TENM3: variants seen among roughly 807,000 people sequenced by gnomAD.
TENM3 encodes the protein teneurin transmembrane protein 3, also known as teneurin-3.
In TENM3, 63 loss-of-function variants were observed where a neutral mutation model predicts 255.1. The observed-to-expected ratio is 0.25, with a 90% confidence interval of 0.20 to 0.30. TENM3 has a LOEUF of 0.30. TENM3 is among the 10% of genes least tolerant of loss of function. The probability of loss-of-function intolerance (pLI) is 1.00; values close to 1 mark genes in which losing one functional copy is unlikely to be tolerated. For missense variants in TENM3, 2,929 were observed against 3,461.1 expected, an observed-to-expected ratio of 0.85 and a Z score of 3.86; for synonymous variants, 1,306 against 1,322.3, an observed-to-expected ratio of 0.99 and a Z score of 0.27.
chr4:181,824,487 G>T, the TENM3 span, among the ~76,000 whole-genome samples: 1 of 152,038 alleles, frequency 6.6e-6, no homozygotes, highest in Non-Finnish European at 1.5e-5. Context: ...TTTTGGTAGT[G>T]ATATAGCACT....
rs10008097 is a variant in TENM3 at position 182,265,906 on chromosome 4, A to C, written c.-76+22430A>C. The stretch of plus-strand genomic sequence containing the variant: ...AATTATTGATAAAATAAAAACATTT[A>C]GTCTAAATTATGCAAGTCAAATATT... On this transcript the variant is annotated intron_variant, in intron 1 of 27. Coordinates refer to ENST00000511685, the MANE Select transcript of TENM3 (RefSeq NM_001080477.4). Among the ~76,000 whole-genome samples the C allele has an allele frequency of 6.3e-3, 964 of 152,398 alleles. 10 individuals carry two copies. Among genetic ancestry groups the C allele is most frequent in the African/African-American group, 0.022 (922 of 41,600 alleles).
chr4:181,962,445 GT>G, the TENM3 span, among the ~76,000 whole-genome samples: 1 of 152,196 alleles, frequency 6.6e-6, no homozygotes, highest in Non-Finnish European at 1.5e-5. Context: ...GGTGGTAGCA[GT>G]TTTGGTATTG....
intron 24 of TENM3, among the ~76,000 whole-genome samples, 153 bp downstream of exon 24, chr4:182,775,306 C>G (rs533090616): frequency 2.6e-5 from 4 of 152,262 alleles, no homozygotes; most frequent in East Asian, 3.9e-4. Flanking sequence ...TGGGCCTGTT[C>G]TGGCAGGTGC....
chr4:182,181,658 C>T (rs527737399), intron 1 of TENM3, among the ~76,000 whole-genome samples: 3 of 151,906 alleles, frequency 2.0e-5, no homozygotes, highest in South Asian at 2.1e-4. Context: ...TCAGCAGAGC[C>T]GAGTGGTCAT....
At chr4:181,784,772 AATAT>A in the TENM3 span, among the ~76,000 whole-genome samples, 2 of 152,176 alleles carry the variant, frequency 1.3e-5, no homozygotes, top group East Asian at 3.9e-4. Flanking sequence ...TGATTCAGAA[AATAT>A]ATATACTCTC....
At chr4:182,330,065 AG>A (rs1252545372) in intron 2 of TENM3, among the ~76,000 whole-genome samples, 2 of 149,872 alleles carry the variant, frequency 1.3e-5, no homozygotes, top group Non-Finnish European at 3.0e-5. Flanking sequence ...ACCTACTGAG[AG>A]AAAAAAAAAA....
Position 182,305,933 on chromosome 4 carries a change from C to T in TENM3, c.-75-18013C>T, listed in dbSNP as rs552352784. 2.6e-5 allele frequency among the ~76,000 whole-genome samples: 4 copies of T among 152,244 alleles called. No homozygotes were observed. The South Asian group carries it at 8.3e-4, about 32-fold the overall frequency. On this transcript the variant is annotated intron_variant, in intron 1 of 27. Coordinates refer to ENST00000511685, the MANE Select transcript of TENM3 (RefSeq NM_001080477.4). Reference sequence around the variant, plus strand: ...CACCATTGTTATTAACACCCTGAATCCTGCAGATCTGGCCAAAGGGAGGGT... The same window carrying T: ...CACCATTGTTATTAACACCCTGAATTCTGCAGATCTGGCCAAAGGGAGGGT...
intron 3 of TENM3, among the ~76,000 whole-genome samples, chr4:182,536,368 T>C (rs1740316920): frequency 2.0e-5 from 3 of 152,346 alleles, no homozygotes; most frequent in East Asian, 1.9e-4. Context: ...GACCATTGAA[T>C]AGGAATGTTA....
chr4:182,587,280 G>A (rs1445345393), intron 3 of TENM3, among the ~76,000 whole-genome samples: 1 of 151,914 alleles, frequency 6.6e-6, no homozygotes, highest in Non-Finnish European at 1.5e-5. Flanking sequence ...ACATTTTTTT[G>A]TAGATGGCCA....
chr4:181,689,174 T>C, the TENM3 span, among the ~76,000 whole-genome samples: 1 of 152,318 alleles, frequency 6.6e-6, no homozygotes, highest in Non-Finnish European at 1.5e-5. Context: ...GGCCAATACC[T>C]ATATTTAGAA....
chr4:182,632,457 C>T (rs941807603), intron 5 of TENM3, among the ~76,000 whole-genome samples: 1 of 152,124 alleles, frequency 6.6e-6, no homozygotes, highest in African/African-American at 2.4e-5. Context: ...ATATTTTTAA[C>T]TTTTGCCAAT....
intron 3 of TENM3, among the ~76,000 whole-genome samples, chr4:182,589,446 A>ATTTTTTT (rs367629189): frequency 7.7e-5 from 10 of 129,394 alleles, no homozygotes; most frequent in Middle Eastern, 4.0e-3. Context: ...TAGGTTTTTA[A>ATTTTTTT]TTTTTTTTTT....
At chr4:182,331,258 C>T (rs1198768780) in intron 2 of TENM3, among the ~76,000 whole-genome samples, 1 of 152,120 alleles carries the variant, frequency 6.6e-6, no homozygotes, top group African/African-American at 2.4e-5. Flanking sequence ...AAATGTACTG[C>T]ATTTTGGCCG....
At chr4:182,144,480 G>GAGA (rs1749748725), upstream of TENM3, 1 of 151,594 alleles carries the variant, frequency 6.6e-6, no homozygotes, top group South Asian at 2.1e-4. Flanking sequence ...GGAGCGCGGG[G>GAGA]GAGAGAAAGA....
chr4:181,561,713 G>T, the TENM3 span, among the ~76,000 whole-genome samples: 1 of 152,006 alleles, frequency 6.6e-6, no homozygotes, highest in Non-Finnish European at 1.5e-5. Context: ...ACTTAATGTT[G>T]GACTTCCTAT....
chr4:182,494,394 G>A (rs749938231), intron 3 of TENM3, among the ~76,000 whole-genome samples: 5 of 152,102 alleles, frequency 3.3e-5, no homozygotes, highest in Non-Finnish European at 5.9e-5. Flanking sequence ...ACTTTTGTTA[G>A]TTATACTGTT....
intron 3 of TENM3, among the ~76,000 whole-genome samples, chr4:182,495,314 C>G (rs575263717): frequency 1.8e-4 from 28 of 152,250 alleles, no homozygotes; most frequent in Admixed American, 1.6e-3. Flanking sequence ...CTGCTGTGAA[C>G]ATGGTTATTT....
the TENM3 span, among the ~76,000 whole-genome samples, chr4:181,805,753 T>G: frequency 2.0e-5 from 3 of 152,302 alleles, no homozygotes; most frequent in East Asian, 1.9e-4. Context: ...TATGGGGGCT[T>G]AATTCTGAAG....
chr4:181,508,892 C>CTTTTTT, the TENM3 span, among the ~76,000 whole-genome samples: 2 of 53,816 alleles, frequency 3.7e-5, no homozygotes, highest in African/African-American at 8.0e-5. Context: ...ATTTCCAACA[C>CTTTTTT]TTTTTTTTTT....
Sources: gnomAD v4.1 joint callset for allele counts (sites outside exome capture counted in the v4.1 genomes callset) on GRCh38, gnomAD v4.1.1 for gene constraint, MANE v1.5 for transcripts, NCBI Gene and HGNC (gene_info 2026-07-23, HGNC 2026-07-21) for gene names.